The following DENND4C variants were observed in gnomAD, a reference collection of about 807,000 sequenced individuals.
DENND4C encodes DENN domain-containing protein 4C.
A neutral mutation model predicts 203.0 loss-of-function variants in DENND4C; 108 were observed. The ratio of observed to expected loss-of-function variants is 0.53; its 90% CI spans 0.46 to 0.62. DENND4C has a LOEUF of 0.62. DENND4C is among the 20% of genes least tolerant of loss of function. The probability of loss-of-function intolerance (pLI) is 0.00; values close to 1 mark genes in which losing one functional copy is unlikely to be tolerated. For synonymous variants in DENND4C, 871 were observed against 792.4 expected, an observed-to-expected ratio of 1.10 and a Z score of -1.67; for missense variants, 2,481 against 2,301.2, an observed-to-expected ratio of 1.08 and a Z score of -1.60.
At chr9:19,243,596 C>A (rs1055499047) in intron 1 of DENND4C, among the ~76,000 whole-genome samples, 15 of 152,322 alleles carry the variant, frequency 9.8e-5, no homozygotes, top group Middle Eastern at 3.4e-3. Flanking sequence ...GATATTCCTA[C>A]AAGTGGACTT....
rs1436241878 is a variant in DENND4C, at chr9:19,372,065, A to AT, written c.5770dup (p.Tyr1924LeufsTer3). Reference sequence around the variant, plus strand: ...CATTTGACAATGAATATGGAATTGCATACAATAGTCTGTCTTCAGAGATTC... The same window carrying AT: ...CATTTGACAATGAATATGGAATTGCATTACAATAGTCTGTCTTCAGAGATTC... On this transcript the variant is annotated frameshift_variant, in exon 33 of 33. Transcript: ENST00000434457. LOFTEE classifies it high-confidence loss of function. The AT allele has an allele frequency of 1.9e-6, 3 of 1,613,264 alleles. No individual in the cohort carries two copies. Among genetic ancestry groups the AT allele is most frequent in the Non-Finnish European group, 2.5e-6 (3 of 1,179,856 alleles).
chr9:19,342,226 G>A (rs746742640), intron 21 of DENND4C, among the ~76,000 whole-genome samples: 71 of 151,914 alleles, frequency 4.7e-4, no homozygotes, highest in Non-Finnish European at 8.7e-4. Flanking sequence ...TGAAAACATG[G>A]AGGAATATTT....
chr9:19,308,123 A>G (rs1323122985), intron 10 of DENND4C, among the ~76,000 whole-genome samples: 1 of 152,072 alleles, frequency 6.6e-6, no homozygotes, highest in Admixed American at 6.5e-5. Context: ...TTGTATCTAG[A>G]TCTTTGATGT....
At chr9:19,302,223 T>C (rs1276750565) in intron 9 of DENND4C, among the ~76,000 whole-genome samples, 1 of 152,212 alleles carries the variant, frequency 6.6e-6, no homozygotes, top group Non-Finnish European at 1.5e-5. Context: ...TTGAAAAGAA[T>C]GGTTACAAAA....
In DENND4C at chr9:19,305,378, C is replaced by T. The variant is rs946106866; in HGVS notation, c.1338C>T (p.Cys446=). The stretch of plus-strand genomic sequence containing the variant: ...TGATCTTTCCATTTCAGTGGCAATG[C>T]CCATATATTCCCCTTTGTCCTCTTT... ...VAMIFPFQWQ[C]PYIPLCPLSL... is the part of the protein sequence containing the mutation. Residue 446 remains cysteine (C), a synonymous_variant, in exon 10 of 33, where the codon TGC becomes TGT. Transcript: ENST00000434457. The T allele has an allele frequency of 5.0e-6, 8 of 1,609,984 alleles. No individual in the cohort carries two copies. In the Admixed American group the frequency reaches 5.0e-5, roughly 10 times the overall value.
intron 2 of DENND4C, among the ~76,000 whole-genome samples, chr9:19,281,524 C>T (rs190505331): frequency 3.1e-4 from 47 of 152,256 alleles, no homozygotes; most frequent in Non-Finnish European, 5.3e-4. Flanking sequence ...AACACTGTTG[C>T]TAAACTTTTG....
At position 19,290,700 on chromosome 9, in the gene DENND4C, A is replaced by G; in HGVS notation, c.629-4A>G. The G allele has an allele frequency of 7.0e-7, 1 of 1,419,972 alleles. No individual in the cohort carries two copies. The highest frequency in any genetic ancestry group is 1.4e-5 in the African/African-American group (1 of 70,100). 88.0% of individuals were successfully genotyped at this position (1,419,972 alleles called of 1,614,324 possible). On this transcript the variant is annotated splice_region_variant and splice_polypyrimidine_tract_variant and intron_variant, in intron 4 of 32. Coordinates refer to ENST00000434457, the MANE Select transcript of DENND4C (RefSeq NM_001330640.2). ...AAATTTATTGTTGTCTCATTCTTCA[A>G]AAGGTTTAATTTTTAGATATCCAGA...
In DENND4C at chr9:19,282,559, T is replaced by TAA. The variant is rs55934794; in HGVS notation, c.306-4195_306-4194dup. ...ATGTGCCACCACGCCTGGCAAAAAT[T>TAA]AAAAAAAAAAAAAAAATAATGGGGT... On this transcript the variant is annotated intron_variant, in intron 2 of 32. Coordinates refer to ENST00000434457, the MANE Select transcript of DENND4C (RefSeq NM_001330640.2). Among the ~76,000 whole-genome samples, 7 of 137,204 alleles carry TAA rather than the reference T, an allele frequency of 5.1e-5. 1 individual carries two copies. Among genetic ancestry groups the TAA allele is most frequent in the South Asian group, 2.4e-4 (1 of 4,150 alleles). 90.0% of individuals were successfully genotyped at this position (137,204 alleles called of 152,430 possible).
intron 16 of DENND4C, 81 bp downstream of exon 16, chr9:19,328,243 A>G (rs1239824231): frequency 7.6e-7 from 1 of 1,308,106 alleles, no homozygotes; most frequent in Non-Finnish European, 1.0e-6. Context: ...GTTTAGAATG[A>G]TCACCCACAA....
At chr9:19,303,512 T>G (rs368727188) in intron 9 of DENND4C, among the ~76,000 whole-genome samples, 103 of 152,358 alleles carry the variant, frequency 6.8e-4, no homozygotes, top group African/African-American at 2.5e-3. Flanking sequence ...AAATATTTAC[T>G]GTCTTTTACA....
chr9:19,326,102 A>G lies in DENND4C; in HGVS notation c.2028A>G (p.Glu676=). The part of the protein sequence containing the change: ...FDSAEDTRLI[E]LDDSQKSEHT... ...CAGCAGAAGATACCAGATTGATAGA[A>G]CTAGATGATTCACAGAAAAGTGAGC... Residue 676 remains glutamate (E), a synonymous_variant, in exon 15 of 33, where the codon GAA becomes GAG. Coordinates refer to ENST00000434457, the MANE Select transcript of DENND4C (RefSeq NM_001330640.2). 6.2e-7 allele frequency: 1 copy of G among 1,612,802 alleles called. No individual in the cohort carries two copies. Among genetic ancestry groups the G allele is most frequent in the South Asian group, 1.1e-5 (1 of 90,640 alleles).
At position 19,350,782 on chromosome 9, in the gene DENND4C, T is replaced by C. The variant is rs768328453; in HGVS notation, c.4398T>C (p.Ser1466=). 4 of 1,614,076 alleles carry C rather than the reference T, an allele frequency of 2.5e-6. No individual in the cohort carries two copies. The Admixed American group carries it at 6.7e-5, about 27-fold the overall frequency. Residue 1466 remains serine (S), a synonymous_variant, in exon 24 of 33, where the codon AGT becomes AGC. Coordinates refer to ENST00000434457, the MANE Select transcript of DENND4C (RefSeq NM_001330640.2). The part of the protein sequence containing the change: ...ILGENISPNT[S]ISGLVPSELT... ...GGGAGAATATATCGCCTAACACAAG[T>C]ATCTCAGGGTTGGTCCCCAGTGAAC...
chr9:19,265,250 C>G (rs944980719), intron 1 of DENND4C, among the ~76,000 whole-genome samples: 1 of 152,044 alleles, frequency 6.6e-6, no homozygotes, highest in African/African-American at 2.4e-5. Flanking sequence ...CTCTGGGGCT[C>G]AAGCAGTCTG....
intron 10 of DENND4C, among the ~76,000 whole-genome samples, chr9:19,309,304 C>T (rs1012870333): frequency 3.9e-5 from 6 of 151,994 alleles, no homozygotes; most frequent in African/African-American, 1.5e-4. Context: ...TGCCTGTAAT[C>T]CCAGCTATCC....
At chr9:19,365,721 G>C (rs1827514598) in intron 30 of DENND4C, among the ~76,000 whole-genome samples, 1 of 150,370 alleles carries the variant, frequency 6.7e-6, no homozygotes, top group African/African-American at 2.4e-5. Context: ...AACTGCATAA[G>C]TTCAGCAAGG....
chr9:19,358,550 C>T lies in DENND4C; in HGVS notation c.5160+390C>T, dbSNP rs191905324. Among the ~76,000 whole-genome samples, 7 of 149,316 alleles carry T rather than the reference C, an allele frequency of 4.7e-5. No individual in the cohort carries two copies. Among genetic ancestry groups the T allele is most frequent in the Admixed American group, 4.6e-4 (7 of 15,176 alleles). ...CACTGCTTTTATCATACAAAAAAAA[C>T]CCCAAATAATAGTATCAAGTTATTT... On this transcript the variant is annotated intron_variant, in intron 28 of 32. Coordinates refer to ENST00000434457, the MANE Select transcript of DENND4C (RefSeq NM_001330640.2). This position sits in a 1 kb window ranked among gnomAD's most constrained non-coding sequence, Gnocchi z 4.8.
intron 2 of DENND4C, among the ~76,000 whole-genome samples, chr9:19,279,729 C>T (rs1016039215): frequency 2.0e-5 from 3 of 151,662 alleles, no homozygotes; most frequent in Admixed American, 1.3e-4. Context: ...CACATGTAGT[C>T]CTAGCTACTC....
intron 1 of DENND4C, among the ~76,000 whole-genome samples, chr9:19,234,753 G>T (rs903104868): frequency 2.0e-5 from 3 of 151,626 alleles, no homozygotes; most frequent in African/African-American, 2.4e-5. Flanking sequence ...ATATTGCCCA[G>T]GCTGGTCTTG....
intron 24 of DENND4C, among the ~76,000 whole-genome samples, chr9:19,351,647 T>G (rs1178788242): frequency 6.6e-6 from 1 of 151,200 alleles, no homozygotes; most frequent in South Asian, 2.1e-4. Flanking sequence ...TCTACTAAAA[T>G]ACAAAAAAAA....
Sources: gnomAD v4.1 joint callset for allele counts (sites outside exome capture counted in the v4.1 genomes callset) on GRCh38, gnomAD v4.1.1 for gene constraint, Gnocchi (gnomAD v3.1) non-coding constraint, MANE v1.5 for transcripts, NCBI Gene and HGNC (gene_info 2026-07-23, HGNC 2026-07-21) for gene names.